Variants in COL4A6 observed in about 807,000 individuals in gnomAD.
COL4A6 encodes the protein collagen alpha-6(IV) chain.
Under a neutral mutation model 126.7 loss-of-function variants are expected in COL4A6, and 59 were observed. The observed-to-expected ratio is 0.47, with a 90% CI of 0.38 to 0.58. The LOEUF (loss-of-function observed/expected upper bound fraction) is 0.58. Ranked by LOEUF, COL4A6 falls within the 20% of genes least tolerant of loss-of-function variation. The pLI is 0.00. For missense variants in COL4A6, 1,285 were observed against 1,337.3 expected, an observed-to-expected ratio of 0.96 and a Z score of 0.61; for synonymous variants, 547 against 496.6, an observed-to-expected ratio of 1.10 and a Z score of -1.35.
chrX:108,308,179 A>G (rs2038672390), intron 3 of COL4A6, among the ~76,000 whole-genome samples: 1 of 111,813 alleles, frequency 8.9e-6, no homozygotes, highest in Non-Finnish European at 1.9e-5. Context: ...AAGGCTCCAG[A>G]TGTTTGAAAC....
At chrX:108,269,197 C>T (rs2037388608) in intron 3 of COL4A6, 2 of 327,161 alleles carry the variant, frequency 6.1e-6, no homozygotes, top group African/African-American at 5.4e-5. Flanking sequence ...CAAACTGTGC[C>T]AATGAAAAGG....
At chrX:108,414,262 C>T (rs897024581) in intron 2 of COL4A6, among the ~76,000 whole-genome samples, 1 of 111,886 alleles carries the variant, frequency 8.9e-6, no homozygotes, top group Non-Finnish European at 1.9e-5. Context: ...TAGGAAGATG[C>T]GAATGCTGAG....
At chrX:108,316,959 C>A (rs1255906461) in intron 2 of COL4A6, among the ~76,000 whole-genome samples, 1 of 111,930 alleles carries the variant, frequency 8.9e-6, no homozygotes. Context: ...TGGAAATCCA[C>A]TGAAGGGCTT....
At chrX:108,205,294 C>T (rs1387877023) in intron 11 of COL4A6, 145 bp downstream of exon 11, 5 of 525,711 alleles carry the variant, frequency 9.5e-6, no homozygotes, top group African/African-American at 9.3e-5. Flanking sequence ...CAAGAGATCC[C>T]ACCAGAGGAT....
chrX:108,300,119 G>C (rs781747328), intron 3 of COL4A6, among the ~76,000 whole-genome samples: 74 of 110,529 alleles, frequency 6.7e-4, no homozygotes, highest in Non-Finnish European at 1.3e-3. Flanking sequence ...CCTACCTCTG[G>C]AATCAAGACA....
chrX:108,221,107 A>G, intron 4 of COL4A6, 133 bp downstream of exon 4: 2 of 914,723 alleles, frequency 2.2e-6, no homozygotes, highest in Non-Finnish European at 3.2e-6. Flanking sequence ...CAAAAAAAAA[A>G]ATGCAGAAAT....
intron 5 of COL4A6, among the ~76,000 whole-genome samples, chrX:108,218,880 A>G: frequency 8.9e-6 from 1 of 111,842 alleles, no homozygotes; most frequent in Non-Finnish European, 1.9e-5. Context: ...CTGTTCTTCT[A>G]TTAAACAAGA....
chrX:108,412,057 C>A (rs1014739639), intron 2 of COL4A6, among the ~76,000 whole-genome samples: 1 of 110,871 alleles, frequency 9.0e-6, no homozygotes, highest in Non-Finnish European at 1.9e-5. Context: ...AAGAGAAGCA[C>A]GAGATAAGCC....
chrX:108,351,499 T>A (rs748706229), intron 2 of COL4A6, among the ~76,000 whole-genome samples: 1 of 109,231 alleles, frequency 9.2e-6, no homozygotes, highest in East Asian at 2.9e-4. Flanking sequence ...CCTGTGTATA[T>A]CTATGTGTAT....
intron 37 of COL4A6, among the ~76,000 whole-genome samples, chrX:108,168,201 G>A (rs1038453758): frequency 8.9e-6 from 1 of 111,918 alleles, no homozygotes; most frequent in Admixed American, 9.5e-5. Context: ...TGACCATCAA[G>A]ATTTGAAAAC....
At chrX:108,266,328 C>A (rs945778530) in intron 3 of COL4A6, among the ~76,000 whole-genome samples, 2 of 111,090 alleles carry the variant, frequency 1.8e-5, no homozygotes, top group African/African-American at 6.5e-5. Flanking sequence ...CAATCACAGG[C>A]CAACTGAGGG....
At chrX:108,327,968 A>G (rs1282761691) in intron 2 of COL4A6, among the ~76,000 whole-genome samples, 3 of 111,488 alleles carry the variant, frequency 2.7e-5, no homozygotes, top group African/African-American at 6.5e-5. Context: ...TCATGAATCC[A>G]TAATGGTAAC....
At chrX:108,226,805 G>T (rs1200015005) in intron 3 of COL4A6, among the ~76,000 whole-genome samples, 1 of 110,884 alleles carries the variant, frequency 9.0e-6, no homozygotes, top group Non-Finnish European at 1.9e-5. Flanking sequence ...CGATCCATTA[G>T]CAAGGACTGT....
At chrX:108,178,614 C>T in intron 27 of COL4A6, 70 bp downstream of exon 27, 1 of 1,081,330 alleles carries the variant, frequency 9.2e-7, no homozygotes, top group Non-Finnish European at 1.3e-6. Flanking sequence ...GCTATTGCCC[C>T]CCCAGGGCAT....
chrX:108,241,108 T>C (rs2036560376), intron 3 of COL4A6, among the ~76,000 whole-genome samples: 2 of 110,865 alleles, frequency 1.8e-5, no homozygotes, highest in Non-Finnish European at 3.8e-5. Context: ...TATCATATAA[T>C]TTAGAAGTTA....
intron 18 of COL4A6, 72 bp from the exon 19 acceptor site, chrX:108,191,605 T>C: frequency 1.8e-6 from 2 of 1,100,791 alleles, no homozygotes; most frequent in Non-Finnish European, 2.4e-6. Flanking sequence ...ATCTGTGGCA[T>C]ATGTTGGAAA....
At chrX:108,259,829 A>G (rs1602947562) in intron 3 of COL4A6, among the ~76,000 whole-genome samples, 1 of 111,497 alleles carries the variant, frequency 9.0e-6, no homozygotes. Flanking sequence ...TTCTGAGGCT[A>G]CGTCCAAACT....
intron 2 of COL4A6, among the ~76,000 whole-genome samples, chrX:108,433,213 C>T (rs1286338319): frequency 8.9e-6 from 1 of 111,793 alleles, no homozygotes; most frequent in East Asian, 2.8e-4. Context: ...AATAGAAACC[C>T]TAGGAAAGGG....
intron 2 of COL4A6, among the ~76,000 whole-genome samples, chrX:108,319,605 A>G (rs2038974253): frequency 8.9e-6 from 1 of 112,158 alleles, no homozygotes; most frequent in Non-Finnish European, 1.9e-5. Flanking sequence ...AAGTAAGACA[A>G]GATATGAAAA....
Sources: gnomAD v4.1 joint callset for allele counts (sites outside exome capture counted in the v4.1 genomes callset) on GRCh38, gnomAD v4.1.1 for gene constraint, MANE v1.5 for transcripts, NCBI Gene and HGNC (gene_info 2026-07-23, HGNC 2026-07-21) for gene names.